ARHGAP19: variants seen among roughly 807,000 people sequenced by gnomAD.
ARHGAP19 encodes the protein Rho GTPase activating protein 19.
ARHGAP19 carries 48 observed loss-of-function variants against 60.9 expected under a neutral mutation model. That is an observed-to-expected ratio of 0.79 (90% CI 0.62 to 1.00). The LOEUF is 1.00. Among genes scored for constraint, ARHGAP19 ranks in the 50% least tolerant of loss-of-function variants. ARHGAP19 has a pLI of 0.00. For synonymous variants in ARHGAP19, 209 were observed against 215.5 expected, an observed-to-expected ratio of 0.97 and a Z score of 0.27; for missense variants, 562 against 597.2, an observed-to-expected ratio of 0.94 and a Z score of 0.61.
At chr10:97,288,809 C>CTTTTT (rs750951743) in intron 1 of ARHGAP19, among the ~76,000 whole-genome samples, 118 of 120,010 alleles carry the variant, frequency 9.8e-4, no homozygotes, top group African/African-American at 2.1e-3. Context: ...AACTTCTCTC[C>CTTTTT]TTTTTTTTTT....
At chr10:97,267,117 T>C (rs1275207443) in intron 1 of ARHGAP19, among the ~76,000 whole-genome samples, 2 of 152,188 alleles carry the variant, frequency 1.3e-5, no homozygotes, top group Non-Finnish European at 2.9e-5. Flanking sequence ...GCAAGTTAGT[T>C]ACTTCCTAGG....
intron 9 of ARHGAP19, among the ~76,000 whole-genome samples, chr10:97,234,797 C>T (rs1355962342): frequency 6.6e-6 from 1 of 152,182 alleles, no homozygotes; most frequent in African/African-American, 2.4e-5. Context: ...GGTATCAAAA[C>T]TCACTAGCCT....
At chr10:97,229,062 AT>A (rs1338964049) in intron 11 of ARHGAP19, 84 bp downstream of exon 11, 21 of 1,300,210 alleles carry the variant, frequency 1.6e-5, no homozygotes, top group African/African-American at 5.8e-5. Context: ...CAAATGTACT[AT>A]CCTGGGAATT....
At chr10:97,226,833 T>C (rs545374312) in intron 11 of ARHGAP19, among the ~76,000 whole-genome samples, 1 of 152,092 alleles carries the variant, frequency 6.6e-6, no homozygotes, top group South Asian at 2.1e-4. Flanking sequence ...AAAGAGGAGG[T>C]GAGATTTAGG....
chr10:97,233,958 G>A (rs924097254), intron 9 of ARHGAP19, among the ~76,000 whole-genome samples: 6 of 150,328 alleles, frequency 4.0e-5, no homozygotes, highest in Admixed American at 2.0e-4. Context: ...TGGAGTGGGG[G>A]GAAGGAGAGT....
chr10:97,253,537 T>G (rs888553539), intron 6 of ARHGAP19, among the ~76,000 whole-genome samples: 1 of 152,142 alleles, frequency 6.6e-6, no homozygotes, highest in Non-Finnish European at 1.5e-5. Flanking sequence ...GGTACAAACA[T>G]GTAGTGAGAT....
intron 1 of ARHGAP19, among the ~76,000 whole-genome samples, chr10:97,278,632 T>A (rs1055421691): frequency 1.3e-5 from 2 of 152,172 alleles, no homozygotes; most frequent in African/African-American, 4.8e-5. Context: ...ATAATTTGTA[T>A]AACCTACTCA....
intron 5 of ARHGAP19, among the ~76,000 whole-genome samples, chr10:97,258,344 G>T (rs1807457103): frequency 1.3e-5 from 2 of 152,098 alleles, no homozygotes; most frequent in Admixed American, 1.3e-4. Context: ...TGACCAACAT[G>T]GCAAAACCCC....
chr10:97,248,185 C>A (rs10882879), intron 6 of ARHGAP19, among the ~76,000 whole-genome samples: 1 of 151,970 alleles, frequency 6.6e-6, no homozygotes, highest in Non-Finnish European at 1.5e-5. Flanking sequence ...GAGGCCAAAG[C>A]GGGTAGATCA....
intron 7 of ARHGAP19, 129 bp downstream of exon 7, chr10:97,246,143 G>C: frequency 1.4e-6 from 1 of 725,556 alleles, no homozygotes; most frequent in South Asian, 1.8e-5. Context: ...AAATGACTAA[G>C]TAATTTTGAG....
chr10:97,226,191 C>T, intron 11 of ARHGAP19, 59 bp from the exon 12 acceptor site: 1 of 1,571,818 alleles, frequency 6.4e-7, no homozygotes, highest in East Asian at 2.2e-5. Flanking sequence ...TTTTTGCAAA[C>T]ATCCCACTCA....
chr10:97,282,608 T>C (rs942292179), intron 1 of ARHGAP19, among the ~76,000 whole-genome samples: 1 of 152,178 alleles, frequency 6.6e-6, no homozygotes, highest in African/African-American at 2.4e-5. Context: ...TTCAGAGCAA[T>C]GGCTGCCAAT....
chr10:97,243,631 A>C (rs1564715023), intron 8 of ARHGAP19, among the ~76,000 whole-genome samples: 1 of 152,222 alleles, frequency 6.6e-6, no homozygotes, highest in Non-Finnish European at 1.5e-5. Context: ...AACAAAACTG[A>C]AATTCAGAAA....
At chr10:97,271,014 G>A (rs1842953389) in intron 1 of ARHGAP19, among the ~76,000 whole-genome samples, 2 of 151,872 alleles carry the variant, frequency 1.3e-5, no homozygotes, top group Non-Finnish European at 2.9e-5. Context: ...TCCAAACAAA[G>A]TAAAGATCTA....
intron 1 of ARHGAP19, among the ~76,000 whole-genome samples, chr10:97,267,296 G>A (rs1218120284): frequency 1.3e-5 from 2 of 152,218 alleles, no homozygotes; most frequent in Non-Finnish European, 2.9e-5. Flanking sequence ...TCCAGGTCAC[G>A]ATGATGCAAG....
intron 1 of ARHGAP19, among the ~76,000 whole-genome samples, chr10:97,288,278 C>T (rs1292397549): frequency 1.3e-5 from 2 of 151,920 alleles, no homozygotes; most frequent in East Asian, 1.9e-4. Flanking sequence ...ATCAACAGAA[C>T]GTTAGAAAGA....
At chr10:97,242,707 T>C (rs1842507865) in intron 8 of ARHGAP19, among the ~76,000 whole-genome samples, 1 of 152,142 alleles carries the variant, frequency 6.6e-6, no homozygotes, top group Non-Finnish European at 1.5e-5. Flanking sequence ...AGAGACTAGG[T>C]TTCTCCATGT....
rs869291841 is a variant in ARHGAP19, at chr10:97,231,059, C to CAAAAAAAAAAAAAA, written c.1285-1199_1285-1186dup. Among the ~76,000 whole-genome samples, 29 of 59,762 alleles carry CAAAAAAAAAAAAAA rather than the reference C, an allele frequency of 4.9e-4. 2 individuals carry two copies. The highest frequency in any genetic ancestry group is 9.8e-4 in the African/African-American group (14 of 14,288). The allele number at this position is 59,762 out of a possible 152,430, so 39.2% of individuals were successfully genotyped here. A position where few individuals can be genotyped will look rare whatever the true frequency, so the allele number is the denominator to read the frequency against. ...ACACCTAGTGAGACTCTTGTCTCACCAAAAAAAAAAAAAAAAAAAAAAAAA... is the reference window on the plus strand; with the variant it reads ...ACACCTAGTGAGACTCTTGTCTCACCAAAAAAAAAAAAAAAAAAAAAAAAAAAAAAAAAAAAAAA... On this transcript the variant is annotated intron_variant, in intron 9 of 11. Transcript: ENST00000358531.
chr10:97,242,396 C>T (rs1210692318), intron 8 of ARHGAP19, among the ~76,000 whole-genome samples: 4 of 132,798 alleles, frequency 3.0e-5, no homozygotes, highest in African/African-American at 8.6e-5. Context: ...TGCAATAGCA[C>T]GATCTCAGCT....
Sources: allele counts gnomAD v4.1 joint callset (sites outside exome capture counted in the v4.1 genomes callset), GRCh38; gene constraint gnomAD v4.1.1; transcripts MANE v1.5; gene names NCBI Gene and HGNC (gene_info 2026-07-23, HGNC 2026-07-21).